The following PDE11A variants were observed in gnomAD, a reference collection of about 807,000 sequenced individuals.
PDE11A encodes dual 3',5'-cyclic-AMP and -GMP phosphodiesterase 11A.
A neutral mutation model predicts 100.5 loss-of-function variants in PDE11A; 100 were observed. That is an observed-to-expected ratio of 1.00 (90% CI 0.85 to 1.18). The LOEUF is 1.18. Among genes scored for constraint, PDE11A ranks in the 50% most tolerant of loss-of-function variants. PDE11A has a pLI of 0.00. For missense variants in PDE11A, 1,141 were observed against 1,152.6 expected, an observed-to-expected ratio of 0.99 and a Z score of 0.15; for synonymous variants, 381 against 420.8, an observed-to-expected ratio of 0.91 and a Z score of 1.16.
chr2:177,759,021 C>A (rs1217984700), intron 10 of PDE11A, among the ~76,000 whole-genome samples: 3 of 152,192 alleles, frequency 2.0e-5, no homozygotes, highest in Non-Finnish European at 4.4e-5. Context: ...GGATGGCACC[C>A]AGTGGCCAAA....
intron 2 of PDE11A, among the ~76,000 whole-genome samples, chr2:177,949,594 C>G (rs1230425821): frequency 1.3e-5 from 2 of 152,250 alleles, no homozygotes; most frequent in Non-Finnish European, 2.9e-5. Context: ...CTTCTCACAT[C>G]ATGTGTTGTG....
At chr2:177,912,771 C>G (rs1448596033) in intron 2 of PDE11A, among the ~76,000 whole-genome samples, 1 of 152,204 alleles carries the variant, frequency 6.6e-6, no homozygotes, top group South Asian at 2.1e-4. Flanking sequence ...GTTTTCTTCT[C>G]TCTTTTTCCT....
intron 5 of PDE11A, among the ~76,000 whole-genome samples, chr2:177,853,840 CTA>C (rs1354686641): frequency 1.3e-4 from 17 of 130,080 alleles, no homozygotes; most frequent in Non-Finnish European, 2.6e-4. Context: ...GTATATATAT[CTA>C]TATATGTGTA....
chr2:177,785,698 C>T (rs1052339965), intron 9 of PDE11A, among the ~76,000 whole-genome samples: 4 of 152,246 alleles, frequency 2.6e-5, no homozygotes, highest in Admixed American at 1.3e-4. Context: ...CTGCGCTTTT[C>T]CGACGGGCTT....
chr2:177,993,591 T>C (rs1006986447), intron 2 of PDE11A, among the ~76,000 whole-genome samples: 1 of 152,190 alleles, frequency 6.6e-6, no homozygotes, highest in East Asian at 1.9e-4. Context: ...CAATAGAATA[T>C]TGCATTTCCT....
intron 18 of PDE11A, 151 bp from the exon 19 acceptor site, chr2:177,664,100 TTATC>T (rs2080532043): frequency 1.6e-6 from 1 of 634,220 alleles, no homozygotes; most frequent in African/African-American, 1.8e-5. Flanking sequence ...TTCTTTTCCT[TTATC>T]TATGATGAGA....
chr2:178,072,865 G>A (rs2087157873), upstream of PDE11A: 4 of 1,148,368 alleles, frequency 3.5e-6, no homozygotes, highest in Non-Finnish European at 4.3e-6. Context: ...GAAGAGGAGG[G>A]AGCCGCGGAC....
At chr2:177,711,670 G>A (rs1217903322) in intron 13 of PDE11A, 99 bp downstream of exon 13, 4 of 757,404 alleles carry the variant, frequency 5.3e-6, no homozygotes, top group Non-Finnish European at 7.1e-6. Flanking sequence ...CCTTGGCCTC[G>A]GATGCCAGAA....
At chr2:177,882,046 C>T (rs2084351846) in intron 4 of PDE11A, among the ~76,000 whole-genome samples, 1 of 152,178 alleles carries the variant, frequency 6.6e-6, no homozygotes, top group African/African-American at 2.4e-5. Flanking sequence ...AAATTTTAGG[C>T]ACCAGGGTAA....
At chr2:178,059,354 G>A (rs940129159) in intron 1 of PDE11A, among the ~76,000 whole-genome samples, 16 of 152,158 alleles carry the variant, frequency 1.1e-4, no homozygotes, top group African/African-American at 3.4e-4. Flanking sequence ...CAGCACCATG[G>A]CATGTTCATT....
intron 2 of PDE11A, among the ~76,000 whole-genome samples, chr2:177,912,310 T>C (rs12693128): frequency 0.12 from 18,924 of 152,042 alleles, 1,435 homozygotes; most frequent in African/African-American, 0.23. Flanking sequence ...TGGAATGAGC[T>C]CCCTTCCACT....
chr2:178,048,476 G>C (rs11674668), intron 1 of PDE11A, among the ~76,000 whole-genome samples: 44,034 of 151,862 alleles, frequency 0.29, 6,537 homozygotes, highest in Non-Finnish European at 0.31. Flanking sequence ...CCCTTAACCC[G>C]TCCACCCTTT....
chr2:177,963,767 T>C (rs2085664060), intron 2 of PDE11A, among the ~76,000 whole-genome samples: 1 of 152,190 alleles, frequency 6.6e-6, no homozygotes, highest in Non-Finnish European at 1.5e-5. Context: ...AAATAAAACT[T>C]GAGGATGGGG....
intron 2 of PDE11A, among the ~76,000 whole-genome samples, chr2:177,946,031 CG>C (rs2085419608): frequency 6.2e-5 from 9 of 145,670 alleles, no homozygotes; most frequent in African/African-American, 2.3e-4. Flanking sequence ...CCCGGCCAGC[CG>C]CCCCGTCCGG....
At chr2:177,889,426 C>T (rs977675652) in intron 4 of PDE11A, among the ~76,000 whole-genome samples, 3 of 151,956 alleles carry the variant, frequency 2.0e-5, no homozygotes. Flanking sequence ...TTCCTTCAGT[C>T]TGTAAATCCA....
intron 19 of PDE11A, among the ~76,000 whole-genome samples, chr2:177,659,061 C>G (rs1294578546): frequency 6.6e-6 from 1 of 151,908 alleles, no homozygotes; most frequent in Non-Finnish European, 1.5e-5. Context: ...GAGTTCAAGA[C>G]CAGCCTGGCC....
At chr2:177,722,270 C>G (rs573862132) in intron 12 of PDE11A, among the ~76,000 whole-genome samples, 1 of 152,278 alleles carries the variant, frequency 6.6e-6, no homozygotes, top group Non-Finnish European at 1.5e-5. Flanking sequence ...TACACTTTTA[C>G]AATTTACATG....
chr2:178,003,054 T>G (rs2086163576), intron 2 of PDE11A, among the ~76,000 whole-genome samples: 1 of 152,176 alleles, frequency 6.6e-6, no homozygotes, highest in African/African-American at 2.4e-5. Context: ...TAAGAAGTAC[T>G]GACATGGGTG....
At chr2:177,725,361 A>C (rs558105662) in intron 12 of PDE11A, among the ~76,000 whole-genome samples, 2 of 152,294 alleles carry the variant, frequency 1.3e-5, no homozygotes, top group Non-Finnish European at 2.9e-5. Flanking sequence ...CCCTTAGTTA[A>C]GTTCAACAAA....
Sources: gnomAD v4.1 joint callset for allele counts (sites outside exome capture counted in the v4.1 genomes callset) on GRCh38, gnomAD v4.1.1 for gene constraint, MANE v1.5 for transcripts, NCBI Gene and HGNC (gene_info 2026-07-23, HGNC 2026-07-21) for gene names.